The following ARHGEF4 variants were observed in gnomAD, a reference collection of about 807,000 sequenced individuals.
The protein encoded by ARHGEF4 is Rho guanine nucleotide exchange factor 4, also known as APC-stimulated guanine nucleotide exchange factor 1.
ARHGEF4 carries 119 observed loss-of-function variants against 162.0 expected under a neutral mutation model. The ratio of observed to expected loss-of-function variants is 0.73; its 90% CI spans 0.63 to 0.86. ARHGEF4 has a LOEUF of 0.86. Ranked by LOEUF, ARHGEF4 falls within the 40% of genes least tolerant of loss-of-function variation. The probability of loss-of-function intolerance (pLI) is 0.00; values close to 1 mark genes in which losing one functional copy is unlikely to be tolerated. For synonymous variants in ARHGEF4, 1,014 were observed against 979.9 expected (o/e 1.03, Z -0.65); for missense variants, 2,488 against 2,456.0 (o/e 1.01, Z -0.28).
chr2:130,839,028 G>A (rs1486627427), intron 1 of ARHGEF4, among the ~76,000 whole-genome samples: 1 of 152,086 alleles, frequency 6.6e-6, no homozygotes, highest in African/African-American at 2.4e-5. Flanking sequence ...TGTAGGTCCT[G>A]AGACACCTGA....
intron 4 of ARHGEF4, among the ~76,000 whole-genome samples, chr2:130,949,536 A>G (rs1390234550): frequency 6.6e-6 from 1 of 151,688 alleles, no homozygotes; most frequent in African/African-American, 2.4e-5. Context: ...TCTATTTTTT[A>G]GTAGAGACAG....
chr2:131,045,803 C>T, intron 13 of ARHGEF4: 1 of 1,429,094 alleles, frequency 7.0e-7, no homozygotes, highest in Non-Finnish European at 9.1e-7. Context: ...CATGCCTTTG[C>T]ACAGGCCACC....
At chr2:130,950,283 C>T (rs1282386291) in intron 4 of ARHGEF4, among the ~76,000 whole-genome samples, 5 of 152,148 alleles carry the variant, frequency 3.3e-5, no homozygotes, top group Non-Finnish European at 7.3e-5. Context: ...GGCCACCTCT[C>T]CCTGGCAAAT....
At chr2:130,887,181 T>C (rs949610371) in intron 1 of ARHGEF4, among the ~76,000 whole-genome samples, 1 of 151,982 alleles carries the variant, frequency 6.6e-6, no homozygotes, top group Non-Finnish European at 1.5e-5. Context: ...AAAAGCCTGC[T>C]GGAGCTGGGC....
At chr2:130,851,692 T>G (rs181919782) in intron 1 of ARHGEF4, among the ~76,000 whole-genome samples, 3 of 152,342 alleles carry the variant, frequency 2.0e-5, no homozygotes, top group Admixed American at 2.0e-4. Flanking sequence ...GCCACTGTGA[T>G]CCTTCTGACT....
rs199912396 is a variant in ARHGEF4, at chr2:130,909,163, C to T, written c.40-4823C>T. 2.0e-5 allele frequency among the ~76,000 whole-genome samples: 3 copies of T among 152,176 alleles called. No homozygotes were observed. In the East Asian group the frequency reaches 5.8e-4, roughly 29 times the overall value. ...TATCTGATACAGCGTCATCCCACTC[C>T]TCGGTATTTATCCAGGACAAATGAA... On this transcript the variant is annotated intron_variant, in intron 1 of 13. Coordinates refer to ENST00000409359, the MANE Select transcript of ARHGEF4 (RefSeq NM_001367493.1).
intron 1 of ARHGEF4, among the ~76,000 whole-genome samples, chr2:130,912,781 C>T (rs1681269245): frequency 6.6e-6 from 1 of 152,044 alleles, no homozygotes; most frequent in Admixed American, 6.6e-5. Flanking sequence ...AGCCATGATG[C>T]CTAAGGGAAG....
chr2:131,043,474 G>A lies in ARHGEF4; in HGVS notation c.5048G>A (p.Ser1683Asn), dbSNP rs757316470. ...DWEGEDLLVRSSELIYSGELT... is the reference protein window; with the variant it reads ...DWEGEDLLVRNSELIYSGELT... Reference sequence around the variant, plus strand: ...CAGGGAGAAGATCTCTTGGTCAGGAGCTCAGAACTCATCTACTCGGGGGAG... The same window carrying A: ...CAGGGAGAAGATCTCTTGGTCAGGAACTCAGAACTCATCTACTCGGGGGAG... Residue 1683 changes from serine (S) to asparagine (N), a missense_variant, in exon 11 of 14, where the codon AGC (serine) becomes AAC (asparagine). Physicochemically the swap from Ser to Asn is conservative, Grantham distance 46. Transcript: ENST00000409359. 2 of 1,614,022 alleles carry A rather than the reference G, an allele frequency of 1.2e-6. No individual in the cohort carries two copies. The highest frequency in any genetic ancestry group is 3.3e-5 in the Admixed American group (2 of 60,024).
intron 4 of ARHGEF4, among the ~76,000 whole-genome samples, chr2:130,988,256 C>T (rs993070985): frequency 2.6e-5 from 4 of 152,200 alleles, no homozygotes; most frequent in African/African-American, 9.7e-5. Flanking sequence ...ACAGGAGCCA[C>T]CTCAGGTGGG....
chr2:130,890,948 C>G (rs55938466), intron 1 of ARHGEF4, among the ~76,000 whole-genome samples: 1 of 152,130 alleles, frequency 6.6e-6, no homozygotes, highest in Admixed American at 6.6e-5. Context: ...TACCATCTTC[C>G]TTCAATTCAG....
chr2:130,929,105 G>A (rs566811803), intron 2 of ARHGEF4, among the ~76,000 whole-genome samples: 1 of 152,316 alleles, frequency 6.6e-6, no homozygotes, highest in South Asian at 2.1e-4. Context: ...GCAAGGACTT[G>A]CTCTGAGGCA....
In ARHGEF4 at chr2:130,836,959, C is replaced by G. The variant is rs1680236607; in HGVS notation, c.6C>G (p.Leu2=). The G allele has an allele frequency of 1.6e-6, 2 of 1,226,386 alleles. No homozygotes were observed. Among genetic ancestry groups the G allele is most frequent in the African/African-American group, 3.1e-5 (2 of 64,064 alleles). The allele number at this position is 1,226,386 out of a possible 1,614,324, so 76.0% of individuals were successfully genotyped here. A position where few individuals can be genotyped will look rare whatever the true frequency, so the allele number is the denominator to read the frequency against. The change falls in exon 1 of 14, where the codon CTC becomes CTG. Residue 2 remains leucine (L), a synonymous_variant. Transcript: ENST00000409359. The part of the protein sequence containing the change: M[L]SVVHFLRSFF... ...CGGGCGTCCCGGCGGCCACCATGCT[C>G]AGCGTCGTGCACTTCCTCCGGAGCT...
intron 5 of ARHGEF4, among the ~76,000 whole-genome samples, chr2:131,036,324 T>A (rs1690279722): frequency 6.6e-6 from 1 of 152,054 alleles, no homozygotes; most frequent in African/African-American, 2.4e-5. Context: ...ACCTCCCGAG[T>A]GGGAGGCTGT....
intron 1 of ARHGEF4, among the ~76,000 whole-genome samples, chr2:130,840,051 C>T (rs1176215291): frequency 6.6e-6 from 1 of 152,134 alleles, no homozygotes; most frequent in South Asian, 2.1e-4. Context: ...TGCCCCATGA[C>T]AGGGAAGCCA....
intron 10 of ARHGEF4, 99 bp downstream of exon 10, chr2:131,042,043 A>G (rs1215920572): frequency 5.5e-6 from 8 of 1,467,222 alleles, no homozygotes; most frequent in Non-Finnish European, 7.3e-6. Context: ...TGAAGCAGGG[A>G]GCTGCGCTCC....
intron 4 of ARHGEF4, 135 bp from the exon 5 acceptor site, chr2:131,027,810 C>A: frequency 9.5e-7 from 1 of 1,047,648 alleles, no homozygotes; most frequent in Non-Finnish European, 1.4e-6. Context: ...GTTTGAGAAC[C>A]TAGCCCTGCA....
In ARHGEF4 at chr2:130,916,580, G is replaced by T. The variant is rs1574223203; in HGVS notation, c.2634G>T (p.Gly878=). 3 of 1,550,332 alleles carry T rather than the reference G, an allele frequency of 1.9e-6. No individual in the cohort carries two copies. The highest frequency in any genetic ancestry group is 2.6e-6 in the Non-Finnish European group (3 of 1,146,928). The part of the protein sequence containing the change: ...TAGPAGAGHT[G]TSGDLGSRGP... Reference sequence around the variant, plus strand: ...GGCCGGCAGGAGCGGGGCACACGGGGACCTCAGGGGATCTTGGTAGCCGAG... The same window carrying T: ...GGCCGGCAGGAGCGGGGCACACGGGTACCTCAGGGGATCTTGGTAGCCGAG... The change falls in exon 2 of 14, where the codon GGG becomes GGT. Residue 878 remains glycine (G), a synonymous_variant. Coordinates refer to ENST00000409359, the MANE Select transcript of ARHGEF4 (RefSeq NM_001367493.1).
At chr2:130,839,964 G>C (rs1353911879) in intron 1 of ARHGEF4, among the ~76,000 whole-genome samples, 2 of 152,158 alleles carry the variant, frequency 1.3e-5, no homozygotes, top group Non-Finnish European at 2.9e-5. Flanking sequence ...CATCAGGAGA[G>C]AAAGGTCAAG....
At chr2:130,895,571 T>G (rs1680105908) in intron 1 of ARHGEF4, among the ~76,000 whole-genome samples, 1 of 152,258 alleles carries the variant, frequency 6.6e-6, no homozygotes, top group Admixed American at 6.5e-5. Flanking sequence ...GTGGTTTTCA[T>G]GTATATTTCC....
Sources: allele counts gnomAD v4.1 joint callset (sites outside exome capture counted in the v4.1 genomes callset), GRCh38; gene constraint gnomAD v4.1.1; transcripts MANE v1.5; gene names NCBI Gene and HGNC (gene_info 2026-07-23, HGNC 2026-07-21).